ABCB11: variants seen among roughly 807,000 people sequenced by gnomAD.
ABCB11 encodes the protein ATP binding cassette subfamily B member 11, also known as bile salt export pump.
A neutral mutation model predicts 148.0 loss-of-function variants in ABCB11; 95 were observed. That is an observed-to-expected ratio of 0.64 (90% CI 0.54 to 0.76). The LOEUF is 0.76. Among genes scored for constraint, ABCB11 ranks in the 30% least tolerant of loss-of-function variants. The pLI, the probability that ABCB11 is intolerant of heterozygous loss-of-function variation, is 0.00. For missense variants in ABCB11, 1,523 were observed against 1,617.8 expected (o/e 0.94, Z 1.01); for synonymous variants, 591 against 555.4 (o/e 1.06, Z -0.90).
chr2:168,944,986 G>A (rs755746999), intron 19 of ABCB11, 25 bp from the exon 20 acceptor site: 4 of 1,396,794 alleles, frequency 2.9e-6, no homozygotes, highest in East Asian at 2.5e-5. Flanking sequence ...AAACAAGAAA[G>A]TAACTTTATT....
At position 168,993,828 on chromosome 2, in the gene ABCB11, C is replaced by T; in HGVS notation, c.666G>A (p.Gln222=). The T allele has an allele frequency of 6.2e-7, 1 of 1,611,526 alleles. No individual in the cohort carries two copies. The highest frequency in any genetic ancestry group is 8.5e-7 in the Non-Finnish European group (1 of 1,178,620). ...AACCACAGATGGTCGAGGTCATGCGCTGAATGAAAAGGGCCATTTGGTCAG... is the reference window on the plus strand; with the variant it reads ...AACCACAGATGGTCGAGGTCATGCGTTGAATGAAAAGGGCCATTTGGTCAG... ...AIADQMALFI[Q]RMTSTICGFL... Residue 222 remains glutamine, a synonymous_variant, in exon 8 of 28, where the codon CAG becomes CAA. Transcript: ENST00000650372.
intron 4 of ABCB11, 67 bp downstream of exon 4, chr2:169,014,236 C>CGGGG: frequency 4.8e-5 from 52 of 1,087,814 alleles, no homozygotes; most frequent in Non-Finnish European, 6.6e-5. Flanking sequence ...AGATTTAACA[C>CGGGG]TCCCCTCATG....
At chr2:169,016,149 G>A (rs1695349350) in intron 3 of ABCB11, among the ~76,000 whole-genome samples, 2 of 152,076 alleles carry the variant, frequency 1.3e-5, no homozygotes, top group Admixed American at 6.6e-5. Context: ...TAAGAAACGT[G>A]TGGCTCTCAG....
downstream of ABCB11, among the ~76,000 whole-genome samples, chr2:168,919,319 A>G (rs28819151): frequency 0.14 from 21,084 of 151,944 alleles, 3,404 homozygotes; most frequent in African/African-American, 0.37. Flanking sequence ...AAAATCTCCA[A>G]TCTCACTCTC....
chr2:168,962,562 C>T (rs180884306), intron 18 of ABCB11, among the ~76,000 whole-genome samples: 105 of 151,774 alleles, frequency 6.9e-4, no homozygotes, highest in African/African-American at 2.4e-3. Context: ...CCCTCCCTCC[C>T]TTCTTTCCAT....
intron 12 of ABCB11, 118 bp from the exon 13 acceptor site, chr2:168,973,958 T>C (rs547546848): frequency 2.5e-5 from 29 of 1,179,470 alleles, no homozygotes; most frequent in African/African-American, 2.3e-4. Flanking sequence ...CGTTTATGTA[T>C]GCCCCCAAAG....
intron 14 of ABCB11, 173 bp from the exon 15 acceptor site, chr2:168,970,388 T>C: frequency 6.7e-7 from 1 of 1,490,030 alleles, no homozygotes; most frequent in Non-Finnish European, 9.0e-7. Flanking sequence ...CTAATCAATA[T>C]TTATGTGTGA....
At chr2:168,990,354 A>G (rs946391064) in intron 9 of ABCB11, among the ~76,000 whole-genome samples, 3 of 151,976 alleles carry the variant, frequency 2.0e-5, no homozygotes, top group Non-Finnish European at 4.4e-5. Context: ...TTGTATTTTT[A>G]TAGGAATTTA....
Position 168,921,136 on chromosome 2 carries a change from T to C in ABCB11, c.*2486A>G, listed in dbSNP as rs1574385315. 1.3e-5 allele frequency among the ~76,000 whole-genome samples: 2 copies of C among 152,218 alleles called. No homozygotes were observed. Among genetic ancestry groups the C allele is most frequent in the East Asian group, 3.8e-4 (2 of 5,202 alleles). ...TAAAAGGCATCTTTACTCTGCAACT[T>C]ACTCGTCATTGCCATTTTTCATAAC... On this transcript the variant is annotated 3_prime_UTR_variant, in exon 28 of 28. Transcript: ENST00000650372.
At chr2:168,997,888 C>G (rs1694763502) in intron 5 of ABCB11, among the ~76,000 whole-genome samples, 1 of 152,018 alleles carries the variant, frequency 6.6e-6, no homozygotes, top group Non-Finnish European at 1.5e-5. Flanking sequence ...CTTGGTCACT[C>G]TGCCTGAAAT....
intron 23 of ABCB11, among the ~76,000 whole-genome samples, chr2:168,934,045 C>G (rs1691707802): frequency 6.6e-6 from 1 of 152,048 alleles, no homozygotes; most frequent in African/African-American, 2.4e-5. Context: ...CCACCGCACC[C>G]AGCCTGTAGC....
At chr2:168,991,963 G>T (rs1292708430) in intron 8 of ABCB11, among the ~76,000 whole-genome samples, 4 of 150,404 alleles carry the variant, frequency 2.7e-5, no homozygotes, top group Admixed American at 2.0e-4. Context: ...TCAGCCTCCT[G>T]GGTATCCGAG....
At chr2:168,951,604 C>G (rs775889734) in intron 19 of ABCB11, among the ~76,000 whole-genome samples, 3 of 151,310 alleles carry the variant, frequency 2.0e-5, no homozygotes, top group Non-Finnish European at 4.4e-5. Context: ...ATTTTGTATC[C>G]TGAAAGTTTA....
At chr2:168,998,264 C>T (rs1383412762) in intron 5 of ABCB11, among the ~76,000 whole-genome samples, 3 of 151,908 alleles carry the variant, frequency 2.0e-5, no homozygotes, top group Non-Finnish European at 2.9e-5. Flanking sequence ...AAACATTTTA[C>T]TTAGAGAATA....
chr2:168,926,621 T>C (rs1574393127), intron 26 of ABCB11, among the ~76,000 whole-genome samples: 1 of 152,132 alleles, frequency 6.6e-6, no homozygotes, highest in East Asian at 1.9e-4. Context: ...CTTTCCAAAA[T>C]TAAAGAGTAT....
intron 13 of ABCB11, among the ~76,000 whole-genome samples, chr2:168,972,936 T>C (rs1386038178): frequency 6.6e-6 from 1 of 152,006 alleles, no homozygotes; most frequent in Non-Finnish European, 1.5e-5. Context: ...AATGGGCCTA[T>C]GTACCTTTGG....
intron 18 of ABCB11, among the ~76,000 whole-genome samples, chr2:168,962,180 T>G (rs1693108051): frequency 1.3e-5 from 2 of 151,716 alleles, no homozygotes; most frequent in Admixed American, 1.3e-4. Flanking sequence ...AGCTTTAGTA[T>G]AATCACATTG....
chr2:168,957,837 A>G lies in ABCB11; in HGVS notation c.2343+127T>C, dbSNP rs853773. On this transcript the variant is annotated intron_variant, in intron 19 of 27. Coordinates refer to ENST00000650372, the MANE Select transcript of ABCB11 (RefSeq NM_003742.4). ...GTGATGGAGGCTTAGGAAATTTTTC[A>G]TTCTTTAGAGATGAGAAAAATGAAC... is the stretch of plus-strand genomic sequence containing the variant. 0.55 allele frequency: 540,842 copies of G among 986,868 alleles called. 148,948 individuals carry two copies. The highest frequency in any genetic ancestry group is 0.62 in the East Asian group (21,844 of 35,054). The allele number at this position is 986,868 out of a possible 1,614,324, so 61.1% of individuals were successfully genotyped here.
intron 19 of ABCB11, among the ~76,000 whole-genome samples, chr2:168,957,010 G>T (rs1427397275): frequency 1.3e-5 from 2 of 151,584 alleles, no homozygotes; most frequent in Non-Finnish European, 3.0e-5. Context: ...CTTGTTTGAT[G>T]AATCCTAATG....
Sources: allele counts gnomAD v4.1 joint callset (sites outside exome capture counted in the v4.1 genomes callset), GRCh38; gene constraint gnomAD v4.1.1; transcripts MANE v1.5; gene names NCBI Gene and HGNC (gene_info 2026-07-23, HGNC 2026-07-21).